The following FAM193B variants were observed in gnomAD, a reference collection of about 807,000 sequenced individuals.
FAM193B encodes protein FAM193B.
Under a neutral mutation model 70.7 loss-of-function variants are expected in FAM193B, and 27 were observed. The ratio of observed to expected loss-of-function variants is 0.38; its 90% confidence interval spans 0.28 to 0.53. FAM193B has a LOEUF of 0.53. Ranked by LOEUF, FAM193B falls within the 20% of genes least tolerant of loss-of-function variation. FAM193B has a pLI of 0.81. For synonymous variants in FAM193B, 448 were observed against 436.0 expected (o/e 1.03, Z -0.34); for missense variants, 1,022 against 1,072.5 (o/e 0.95, Z 0.66).
intron 1 of FAM193B, among the ~76,000 whole-genome samples, chr5:177,548,192 C>G (rs1264384048): frequency 2.0e-5 from 3 of 152,164 alleles, no homozygotes; most frequent in African/African-American, 7.2e-5. Flanking sequence ...TCCTAACACT[C>G]TTTTGTTTAA....
At chr5:177,552,614 G>T (rs1424239549) in intron 1 of FAM193B, among the ~76,000 whole-genome samples, 2 of 152,172 alleles carry the variant, frequency 1.3e-5, no homozygotes, top group African/African-American at 4.8e-5. Flanking sequence ...CTCCCTTTTT[G>T]GATAACAGCA....
chr5:177,534,493 G>A (rs1763941072), intron 4 of FAM193B, among the ~76,000 whole-genome samples: 1 of 151,382 alleles, frequency 6.6e-6, no homozygotes, highest in Non-Finnish European at 1.5e-5. Context: ...TAATAGAGAT[G>A]AGGTTTCACC....
intron 1 of FAM193B, chr5:177,553,548 G>A: frequency 3.5e-6 from 4 of 1,135,914 alleles, no homozygotes; most frequent in Non-Finnish European, 4.4e-6. Flanking sequence ...CAGGTGGCAA[G>A]CTGGAAGCTT....
chr5:177,526,670 T>C (rs573492759), intron 5 of FAM193B, among the ~76,000 whole-genome samples: 9 of 152,340 alleles, frequency 5.9e-5, no homozygotes, highest in African/African-American at 2.2e-4. Context: ...ATGTCTCCTT[T>C]AATCCTCGCC....
chr5:177,524,385 C>A lies in FAM193B; in HGVS notation c.2096G>T (p.Gly699Val). Residue 699 changes from glycine (G) to valine (V), a missense_variant, in exon 6 of 9, where the codon GGA (glycine) becomes GTA (valine). By Grantham distance (109) the Gly-to-Val change is moderately radical (BLOSUM62 -3). Transcript: ENST00000514747. ...AGEGSRGSRP[G>V]PGWAGSPKTE... The stretch of plus-strand genomic sequence containing the variant: ...TTTGGGACTGCCAGCCCAACCTGGT[C>A]CTGGCCGGCTCCCCCGGCTCCCCTC... 1 of 1,573,818 alleles carries A rather than the reference C, an allele frequency of 6.4e-7. No homozygotes were observed.
At chr5:177,533,658 T>A (rs1414117118) in intron 4 of FAM193B, among the ~76,000 whole-genome samples, 1 of 152,196 alleles carries the variant, frequency 6.6e-6, no homozygotes, top group Non-Finnish European at 1.5e-5. Context: ...AGTGTCATTA[T>A]CCCCACTTTG....
chr5:177,536,312 T>C (rs1764151658), intron 4 of FAM193B, 46 bp downstream of exon 4: 3 of 1,588,128 alleles, frequency 1.9e-6, no homozygotes, highest in Non-Finnish European at 1.7e-6. Flanking sequence ...TCCAAAATTC[T>C]AAGTTCAAGT....
At chr5:177,546,635 G>C (rs574302588) in intron 1 of FAM193B, among the ~76,000 whole-genome samples, 1 of 152,304 alleles carries the variant, frequency 6.6e-6, no homozygotes, top group Non-Finnish European at 1.5e-5. Context: ...AATTCTAAGA[G>C]AGCTGACACA....
Position 177,554,304 on chromosome 5 carries a change from G to A in FAM193B, c.155C>T (p.Pro52Leu). 7.4e-7 allele frequency: 1 copy of A among 1,356,918 alleles called. No homozygotes were observed. Among genetic ancestry groups the A allele is most frequent in the Non-Finnish European group, 9.5e-7 (1 of 1,047,644 alleles). The allele number at this position is 1,356,918 out of a possible 1,614,324, so 84.1% of individuals were successfully genotyped here. The change falls in exon 1 of 9, where the codon CCC becomes CTC. Residue 52 changes from proline (P) to leucine (L), a missense_variant. Coordinates refer to ENST00000514747, the MANE Select transcript of FAM193B (RefSeq NM_001190946.3). ...ATCCTCCCTGGGGCCGTCGTGGTCG[G>A]GCTCCGCCGGCGCCTCCGGAGGGCC... The part of the protein sequence containing the change: ...GAGPPEAPAE[P>L]DHDGPREDDE...
At chr5:177,553,693 C>T (rs1266683121) in intron 1 of FAM193B, 1 of 1,287,764 alleles carries the variant, frequency 7.8e-7, no homozygotes, top group Admixed American at 2.3e-5. Flanking sequence ...GTGCAGAAAC[C>T]CCACCAAAAA....
chr5:177,554,183 A>ACTCCCG (rs1766727636), intron 1 of FAM193B, 66 bp downstream of exon 1: 5 of 1,460,602 alleles, frequency 3.4e-6, no homozygotes, highest in Non-Finnish European at 4.5e-6. Context: ...ACCCCGCCCC[A>ACTCCCG]CTCCCGCTCC....
intron 1 of FAM193B, among the ~76,000 whole-genome samples, chr5:177,540,906 T>C (rs1764775027): frequency 6.6e-6 from 1 of 152,192 alleles, no homozygotes; most frequent in Admixed American, 6.5e-5. Flanking sequence ...TTTTCTCCCG[T>C]GAAATTACTT....
intron 7 of FAM193B, among the ~76,000 whole-genome samples, chr5:177,522,424 G>C (rs772931887): frequency 6.6e-6 from 1 of 152,274 alleles, no homozygotes; most frequent in East Asian, 1.9e-4. Flanking sequence ...CTCTGCAGAT[G>C]CACAAATCCC....
In FAM193B at chr5:177,536,679, G is replaced by A. The variant is rs1369647203; in HGVS notation, c.755C>T (p.Thr252Ile). 5.8e-6 allele frequency: 9 copies of A among 1,559,100 alleles called. 1 individual carries two copies. In the South Asian group the frequency reaches 8.3e-5, roughly 14 times the overall value. Residue 252 changes from threonine (T) to isoleucine (I), a missense_variant, in exon 4 of 9, where the codon ACC becomes ATC. Transcript: ENST00000514747. ...AGATGCTGGCTGCGGGTGGTGGCCGGTGGGGCTGTTAGGGGGAGCAGTGAG... is the reference window on the plus strand; with the variant it reads ...AGATGCTGGCTGCGGGTGGTGGCCGATGGGGCTGTTAGGGGGAGCAGTGAG... ...SDLTAPPNSP[T>I]GHHPQPASLI...
chr5:177,539,880 A>G (rs1014842251), intron 1 of FAM193B, among the ~76,000 whole-genome samples: 19 of 152,138 alleles, frequency 1.2e-4, no homozygotes, highest in African/African-American at 3.9e-4. Context: ...ATTCCTACCT[A>G]CCTTGCAGAG....
chr5:177,546,780 C>T (rs1311974988), intron 1 of FAM193B, among the ~76,000 whole-genome samples: 2 of 152,176 alleles, frequency 1.3e-5, no homozygotes, highest in African/African-American at 2.4e-5. Flanking sequence ...TGTACAAGCT[C>T]GGTTGGGAGT....
At chr5:177,520,692 CTT>C (rs949681257) in intron 8 of FAM193B, among the ~76,000 whole-genome samples, 24 of 152,320 alleles carry the variant, frequency 1.6e-4, no homozygotes, top group South Asian at 4.1e-4. Context: ...AATGCGATCT[CTT>C]TTCTCTCAGT....
chr5:177,554,118 C>T, intron 1 of FAM193B, 131 bp downstream of exon 1: 1 of 1,401,236 alleles, frequency 7.1e-7, no homozygotes, highest in East Asian at 3.1e-5. Context: ...AAAGCTTCGG[C>T]GCCGGACCCG....
At chr5:177,536,876 G>A (rs945474621) in intron 3 of FAM193B, 131 bp from the exon 4 acceptor site, 10 of 1,249,518 alleles carry the variant, frequency 8.0e-6, no homozygotes, top group Admixed American at 3.0e-5. Context: ...GGGGACCCTG[G>A]AGCTGCAGAA....
Sources: gnomAD v4.1 joint callset for allele counts (sites outside exome capture counted in the v4.1 genomes callset) on GRCh38, gnomAD v4.1.1 for gene constraint, MANE v1.5 for transcripts, NCBI Gene and HGNC (gene_info 2026-07-23, HGNC 2026-07-21) for gene names.